Variants in PGLYRP2 observed in about 807,000 individuals in gnomAD.
The protein encoded by PGLYRP2 is N-acetylmuramoyl-L-alanine amidase.
In PGLYRP2, 38 loss-of-function variants were observed where a neutral mutation model predicts 46.2. That is an observed-to-expected ratio of 0.82 (90% CI 0.64 to 1.08). PGLYRP2 has a LOEUF of 1.08. PGLYRP2 is among the 50% of genes least tolerant of loss of function. PGLYRP2 has a pLI of 0.00. For synonymous variants in PGLYRP2, 289 were observed against 329.4 expected (o/e 0.88, Z 1.33); for missense variants, 713 against 755.9 (o/e 0.94, Z 0.67).
Position 15,476,505 on chromosome 19 carries a change from C to T in PGLYRP2, c.165G>A (p.Met55Ile). Residue 55 changes from methionine (M) to isoleucine (I), a missense_variant, in exon 2 of 5, where the codon ATG (methionine) becomes ATA (isoleucine). Transcript: ENST00000340880. The stretch of plus-strand genomic sequence containing the variant: ...TGTGGGGGCCAGAGTTTGGAGCTGA[C>T]ATCAGCCACGCAGAAGCTGTGTGTC... ...KTRHTASAWL[M>I]SAPNSGPHNR... 2 of 1,614,172 alleles carry T rather than the reference C, an allele frequency of 1.2e-6. No homozygotes were observed.
At chr19:15,477,381 A>G (rs1274203570) in intron 1 of PGLYRP2, among the ~76,000 whole-genome samples, 3 of 119,968 alleles carry the variant, frequency 2.5e-5, no homozygotes, top group Non-Finnish European at 4.9e-5. Context: ...TGACAGAGTG[A>G]GACTTTGTCT....
Position 15,470,287 on chromosome 19 carries a change from TC to T in PGLYRP2, c.1344-359del, listed in dbSNP as rs1263314565. ...TTCCTTCCTTCCTTCCTTCCTTCCT[TC>T]CTTCCTTCTTTCTTTCTTTCTTTTT... On this transcript the variant is annotated intron_variant, in intron 3 of 4. Transcript: ENST00000340880. Among the ~76,000 whole-genome samples the T allele has an allele frequency of 8.8e-3, 1,193 of 136,222 alleles. 7 individuals carry two copies. Among genetic ancestry groups the T allele is most frequent in the Non-Finnish European group, 0.011 (682 of 63,516 alleles). The allele number at this position is 136,222 out of a possible 152,430, so 89.4% of individuals were successfully genotyped here.
chr19:15,476,465 A>G lies in PGLYRP2; in HGVS notation c.205T>C (p.Phe69Leu), dbSNP rs202038634. The change falls in exon 2 of 5, where the codon TTC becomes CTC. Residue 69 changes from phenylalanine to leucine, a missense_variant. Phe to Leu is a conservative substitution (Grantham distance 22). Coordinates refer to ENST00000340880, the MANE Select transcript of PGLYRP2 (RefSeq NM_052890.4). ...TTGAGGCTCCATGCCCCCAGCAGGA[A>G]GTGGTAGAGGCGATTGTGGGGGCCA... ...NSGPHNRLYH[F>L]LLGAWSLNAT... 3.2e-5 allele frequency: 51 copies of G among 1,613,998 alleles called. No homozygotes were observed. Among genetic ancestry groups the G allele is most frequent in the Non-Finnish European group, 9.3e-6 (11 of 1,180,040 alleles).
chr19:15,469,267 G>C lies in PGLYRP2; in HGVS notation c.1641+365C>G. 4.9e-6 allele frequency: 3 copies of C among 606,532 alleles called. No homozygotes were observed. In the East Asian group the frequency reaches 8.3e-5, roughly 17 times the overall value. 37.6% of individuals were successfully genotyped at this position (606,532 alleles called of 1,614,324 possible). A position where few individuals can be genotyped will look rare whatever the true frequency, so the allele number is the denominator to read the frequency against. ...GAGGTGGTGCAGCCTGACAGGTTGT[G>C]ACTTGGGTAGAGAAGTCATGAAGGC... On this transcript the variant is annotated intron_variant, in intron 4 of 4. Transcript: ENST00000340880. The surrounding 1 kb of genome is among the most constrained non-coding windows in gnomAD (Gnocchi z 4.9).
chr19:15,469,905 G>C lies in PGLYRP2; in HGVS notation c.1368C>G (p.Tyr456Ter). 1 of 1,451,976 alleles carries C rather than the reference G, an allele frequency of 6.9e-7. No homozygotes were observed. The highest frequency in any genetic ancestry group is 9.0e-7 in the Non-Finnish European group (1 of 1,108,784). 89.9% of individuals were successfully genotyped at this position (1,451,976 alleles called of 1,614,324 possible). ...AGTGCCAGCCGCGTCCCTCGTACAC[G>C]TAGCCGTCCGAGCCCACCACGAAAC... ...GYSFVVGSDG[Y>*]VYEGRGWHWV... Residue 456 changes from tyrosine (Y) to a stop codon, truncating the protein, a stop_gained, in exon 4 of 5, where the codon TAC becomes TAG. Coordinates refer to ENST00000340880, the MANE Select transcript of PGLYRP2 (RefSeq NM_052890.4). LOFTEE classifies it high-confidence loss of function. This position sits in a 1 kb window ranked among gnomAD's most constrained non-coding sequence, Gnocchi z 4.9.
Position 15,470,283 on chromosome 19 carries a change from TC to T in PGLYRP2, c.1344-355del, listed in dbSNP as rs1202626577. Among the ~76,000 whole-genome samples, 92 of 134,870 alleles carry T rather than the reference TC, an allele frequency of 6.8e-4. 1 individual carries two copies. The highest frequency in any genetic ancestry group is 7.5e-4 in the Non-Finnish European group (47 of 63,038). The allele number at this position is 134,870 out of a possible 152,430, so 88.5% of individuals were successfully genotyped here. On this transcript the variant is annotated intron_variant, in intron 3 of 4. Transcript: ENST00000340880. ...TTCCTTCCTTCCTTCCTTCCTTCCT[TC>T]CTTCCTTCCTTCTTTCTTTCTTTCT...
rs923298273 is a variant in PGLYRP2 at position 15,472,252 on chromosome 19, C to G, written c.1133-152G>C. The stretch of plus-strand genomic sequence containing the variant: ...CCCCACATTGGTCCTCCCTGGGGAC[C>G]AACTAACTATACTCAACTAAATCTA... On this transcript the variant is annotated intron_variant, in intron 2 of 4. Transcript: ENST00000340880. The G allele has an allele frequency of 2.2e-5, 14 of 639,108 alleles. No homozygotes were observed. In the African/African-American group the frequency reaches 2.4e-4, roughly 11 times the overall value. 39.6% of individuals were successfully genotyped at this position (639,108 alleles called of 1,614,324 possible). A position where few individuals can be genotyped will look rare whatever the true frequency, so the allele number is the denominator to read the frequency against.
rs36020076 is a variant in PGLYRP2 at position 15,469,479 on chromosome 19, G to T, written c.1641+153C>A. ...CCGCAGAGTGACCCGCAAAGGCTGG[G>T]CCTAGGTTTCCTGAATAGACGTGCC... On this transcript the variant is annotated intron_variant, in intron 4 of 4. Coordinates refer to ENST00000340880, the MANE Select transcript of PGLYRP2 (RefSeq NM_052890.4). This position sits in a 1 kb window ranked among gnomAD's most constrained non-coding sequence, Gnocchi z 4.9. The T allele has an allele frequency of 9.4e-7, 1 of 1,061,198 alleles. No homozygotes were observed. The highest frequency in any genetic ancestry group is 1.4e-6 in the Non-Finnish European group (1 of 711,952). The allele number at this position is 1,061,198 out of a possible 1,614,324, so 65.7% of individuals were successfully genotyped here.
At chr19:15,477,106 C>G (rs569003858) in intron 1 of PGLYRP2, among the ~76,000 whole-genome samples, 1 of 152,108 alleles carries the variant, frequency 6.6e-6, no homozygotes, top group East Asian at 1.9e-4. Flanking sequence ...TTGAAAGATG[C>G]CTGGGACTGG....
Position 15,472,018 on chromosome 19 carries a change from TC to T in PGLYRP2, c.1214del (p.Gly405AspfsTer78). 1 of 1,613,276 alleles carries T rather than the reference TC, an allele frequency of 6.2e-7. No individual in the cohort carries two copies. Among genetic ancestry groups the T allele is most frequent in the South Asian group, 1.1e-5 (1 of 91,080 alleles). On this transcript the variant is annotated frameshift_variant, in exon 3 of 5. Transcript: ENST00000340880. LOFTEE classifies it high-confidence loss of function. The part of the protein sequence containing the change: ...GRPKLLQLPL[G>X]FLYVHHTYVP... The stretch of plus-strand genomic sequence containing the variant: ...CGTAGGTGTGATGCACGTACAAGAA[TC>T]CCAGCGGCAGCTGCAGCAGCTTCGG...
chr19:15,473,197 C>T (rs556181605), intron 2 of PGLYRP2, among the ~76,000 whole-genome samples: 86 of 152,132 alleles, frequency 5.7e-4, no homozygotes, highest in African/African-American at 1.7e-3. Flanking sequence ...AGGACAGATG[C>T]GCTAGCTCAC....
Position 15,469,222 on chromosome 19 carries a change from A to G in PGLYRP2, c.1641+410T>C. ...TTCGGGTAGGGGCAGGGGTGAGGTC[A>G]AGGTTCGGCGGGCCAGGATGAGGTG... On this transcript the variant is annotated intron_variant, in intron 4 of 4. Coordinates refer to ENST00000340880, the MANE Select transcript of PGLYRP2 (RefSeq NM_052890.4). The surrounding 1 kb of genome is among the most constrained non-coding windows in gnomAD (Gnocchi z 4.9). 1 of 595,922 alleles carries G rather than the reference A, an allele frequency of 1.7e-6. No individual in the cohort carries two copies. Among genetic ancestry groups the G allele is most frequent in the Non-Finnish European group, 3.0e-6 (1 of 333,922 alleles). The allele number at this position is 595,922 out of a possible 1,614,324, so 36.9% of individuals were successfully genotyped here. A position where few individuals can be genotyped will look rare whatever the true frequency, so the allele number is the denominator to read the frequency against.
intron 1 of PGLYRP2, among the ~76,000 whole-genome samples, chr19:15,477,597 C>G (rs1472509052): frequency 6.6e-6 from 1 of 151,326 alleles, no homozygotes; most frequent in Non-Finnish European, 1.5e-5. Context: ...ACTCAGGAGG[C>G]TGAGGCAGGA....
intron 2 of PGLYRP2, 26 bp from the exon 3 acceptor site, chr19:15,472,126 G>A (rs1182517473): frequency 6.3e-7 from 1 of 1,580,080 alleles, no homozygotes; most frequent in East Asian, 2.2e-5. Context: ...TTGAAGGCTG[G>A]GGTCAGGAAC....
chr19:15,470,001 C>T, intron 3 of PGLYRP2, 72 bp from the exon 4 acceptor site: 4 of 1,324,048 alleles, frequency 3.0e-6, no homozygotes, highest in Non-Finnish European at 3.9e-6. Flanking sequence ...CTCCCCTCCC[C>T]GATTCTGTTG....
rs549597580 is a variant in PGLYRP2, at chr19:15,471,996, A to C, written c.1237T>G (p.Tyr413Asp). Reference sequence around the variant, plus strand: ...TCCGTGCAGGGTGGTGCAGGCACGTAGGTGTGATGCACGTACAAGAATCCC... The same window carrying C: ...TCCGTGCAGGGTGGTGCAGGCACGTCGGTGTGATGCACGTACAAGAATCCC... Reference protein sequence around the residue: ...PLGFLYVHHTYVPAPPCTDFT... With the variant: ...PLGFLYVHHTDVPAPPCTDFT... Residue 413 changes from tyrosine (Y) to aspartate (D), a missense_variant, in exon 3 of 5, where the codon TAC becomes GAC. By Grantham distance (160) the Tyr-to-Asp change is radical. Coordinates refer to ENST00000340880, the MANE Select transcript of PGLYRP2 (RefSeq NM_052890.4). 2 of 1,613,900 alleles carry C rather than the reference A, an allele frequency of 1.2e-6. No homozygotes were observed. Among genetic ancestry groups the C allele is most frequent in the Non-Finnish European group, 1.7e-6 (2 of 1,179,956 alleles).
chr19:15,469,926 G>A lies in PGLYRP2; in HGVS notation c.1347C>T (p.Phe449=). 1 of 1,424,792 alleles carries A rather than the reference G, an allele frequency of 7.0e-7. No homozygotes were observed. Among genetic ancestry groups the A allele is most frequent in the South Asian group, 1.5e-5 (1 of 65,144 alleles). The allele number at this position is 1,424,792 out of a possible 1,614,324, so 88.3% of individuals were successfully genotyped here. Residue 449 remains phenylalanine (F), a synonymous_variant, in exon 4 of 5, where the codon TTC becomes TTT. Coordinates refer to ENST00000340880, the MANE Select transcript of PGLYRP2 (RefSeq NM_052890.4). This position sits in a 1 kb window ranked among gnomAD's most constrained non-coding sequence, Gnocchi z 4.9. ...ACACGTAGCCGTCCGAGCCCACCAC[G>A]AAACTGCAGAGGGGAGGGAGAAGCA... ...TQGWGDIGYS[F]VVGSDGYVYE... is the part of the protein sequence containing the mutation.
intron 3 of PGLYRP2, among the ~76,000 whole-genome samples, chr19:15,470,832 C>CG (rs1209945033): frequency 2.0e-5 from 3 of 150,252 alleles, no homozygotes; most frequent in Non-Finnish European, 3.0e-5. Flanking sequence ...TTAGTAGAGA[C>CG]GGGGTTTCTC....
chr19:15,479,176 T>C, intron 1 of PGLYRP2, 135 bp downstream of exon 1: 1 of 886,052 alleles, frequency 1.1e-6, no homozygotes, highest in Non-Finnish European at 1.8e-6. Context: ...GGAATATCTA[T>C]GTCCCCATGC....
Sources: allele counts gnomAD v4.1 joint callset (sites outside exome capture counted in the v4.1 genomes callset), GRCh38; gene constraint gnomAD v4.1.1; non-coding constraint Gnocchi (gnomAD v3.1); transcripts MANE v1.5; gene names NCBI Gene and HGNC (gene_info 2026-07-23, HGNC 2026-07-21).